SGSM1: variants seen among roughly 807,000 people sequenced by gnomAD.
SGSM1 encodes the protein small G protein signaling modulator 1, also known as RUN and TBC1 domain containing 2.
A neutral mutation model predicts 133.8 loss-of-function variants in SGSM1; 73 were observed. That is an observed-to-expected ratio of 0.55 (90% CI 0.45 to 0.66). The LOEUF (loss-of-function observed/expected upper bound fraction) is 0.66. Among genes scored for constraint, SGSM1 ranks in the 30% least tolerant of loss-of-function variants. The pLI is 0.00. For missense variants in SGSM1, 1,213 were observed against 1,448.1 expected (o/e 0.84, Z 2.64); for synonymous variants, 563 against 573.0 (o/e 0.98, Z 0.25).
chr22:24,853,094 A>G (rs1930576798), intron 5 of SGSM1, among the ~76,000 whole-genome samples: 2 of 152,194 alleles, frequency 1.3e-5, no homozygotes, highest in African/African-American at 4.8e-5. Context: ...TTTGAGTTCT[A>G]TACTTCCTCC....
Position 24,905,070 on chromosome 22 carries a change from C to T in SGSM1, c.2736-35C>T, listed in dbSNP as rs201304840. 7.4e-5 allele frequency: 118 copies of T among 1,590,020 alleles called. No homozygotes were observed. In the Middle Eastern group the frequency reaches 2.2e-3, roughly 29 times the overall value. ...TGGAGTGGGTTGGAGAGGCAGGCCA[C>T]GGCTGCCATCATTGGCCCCTTGTGT... On this transcript the variant is annotated intron_variant, in intron 20 of 24. Coordinates refer to ENST00000400358, the MANE Select transcript of SGSM1 (RefSeq NM_001098497.3).
intron 12 of SGSM1, among the ~76,000 whole-genome samples, chr22:24,873,383 G>A (rs1931861895): frequency 6.6e-6 from 1 of 152,006 alleles, no homozygotes; most frequent in African/African-American, 2.4e-5. Context: ...CTACGATGTT[G>A]AGCAGCATCC....
At chr22:24,892,739 AAAAG>A (rs1032908760) in intron 16 of SGSM1, among the ~76,000 whole-genome samples, 2 of 152,052 alleles carry the variant, frequency 1.3e-5, no homozygotes, top group African/African-American at 2.4e-5. Flanking sequence ...AAGGTAGTAA[AAAAG>A]AAAGAAACAG....
chr22:24,844,874 C>G (rs370209156), intron 2 of SGSM1, 23 bp from the exon 3 acceptor site: 1 of 1,612,722 alleles, frequency 6.2e-7, no homozygotes, highest in Non-Finnish European at 8.5e-7. Context: ...ACCTCTTCCC[C>G]TCCGGTCACC....
At position 24,884,038 on chromosome 22, in the gene SGSM1, T is replaced by C; in HGVS notation, c.1496-15T>C. The stretch of plus-strand genomic sequence containing the variant: ...AGGTGGTGGATGATGACACTTTCCC[T>C]CCCTCCCTCAACAGGGCTGGCCTAC... On this transcript the variant is annotated splice_polypyrimidine_tract_variant and intron_variant, in intron 14 of 24. Transcript: ENST00000400358. 6.3e-7 allele frequency: 1 copy of C among 1,591,460 alleles called. No homozygotes were observed. The highest frequency in any genetic ancestry group is 8.6e-7 in the Non-Finnish European group (1 of 1,164,882).
chr22:24,845,165 G>T (rs1930027169), intron 3 of SGSM1, among the ~76,000 whole-genome samples, 193 bp downstream of exon 3: 1 of 152,178 alleles, frequency 6.6e-6, no homozygotes, highest in Non-Finnish European at 1.5e-5. Context: ...CCCATGAAGA[G>T]GTCAGTGTGG....
At chr22:24,890,030 C>T (rs1432834734) in intron 16 of SGSM1, among the ~76,000 whole-genome samples, 2 of 149,698 alleles carry the variant, frequency 1.3e-5, no homozygotes, top group Non-Finnish European at 3.0e-5. Flanking sequence ...GATCTCGGCT[C>T]ACTGCAAGCT....
chr22:24,880,955 C>A (rs1357749957), intron 14 of SGSM1, among the ~76,000 whole-genome samples: 2 of 152,090 alleles, frequency 1.3e-5, no homozygotes, highest in Admixed American at 1.3e-4. Flanking sequence ...CTTTGGGAGG[C>A]CAAGGTGGGT....
chr22:24,831,268 A>G (rs1222128089), intron 2 of SGSM1, among the ~76,000 whole-genome samples: 1 of 151,786 alleles, frequency 6.6e-6, no homozygotes, highest in African/African-American at 2.4e-5. Flanking sequence ...CAGAGGGAGA[A>G]GTCGGGCCAT....
rs1351647241 is a variant in SGSM1, at chr22:24,807,859, C to T, written c.63+1375C>T. ...AGGCTTGGACCTGTTGCTGCTCCTC[C>T]GTCCTCCGGGAGCATGAGTATGTGC... On this transcript the variant is annotated intron_variant, in intron 2 of 24. Transcript: ENST00000400358. Among the ~76,000 whole-genome samples the T allele has an allele frequency of 4.8e-5, 7 of 146,494 alleles. No individual in the cohort carries two copies. The East Asian group carries it at 1.0e-3, about 22-fold the overall frequency.
At chr22:24,860,897 T>TAA (rs554853690) in intron 9 of SGSM1, among the ~76,000 whole-genome samples, 25 of 43,878 alleles carry the variant, frequency 5.7e-4, no homozygotes, top group East Asian at 1.4e-3. Context: ...GAGACTGTCT[T>TAA]AAAAAAAAAA....
chr22:24,844,277 T>A (rs1475318382), intron 2 of SGSM1: 1 of 152,310 alleles, frequency 6.6e-6, no homozygotes, highest in Admixed American at 6.5e-5. Flanking sequence ...GGCTCACGCA[T>A]GTAATCCAAG....
chr22:24,873,844 C>A (rs1043502095), intron 12 of SGSM1, among the ~76,000 whole-genome samples: 1 of 151,988 alleles, frequency 6.6e-6, no homozygotes, highest in Non-Finnish European at 1.5e-5. Flanking sequence ...CAAAACAAGA[C>A]CCTGCCTCAG....
rs981239751 is a variant in SGSM1 at position 24,861,822 on chromosome 22, A to AT, written c.926+1991dup. Among the ~76,000 whole-genome samples, 21 of 147,274 alleles carry AT rather than the reference A, an allele frequency of 1.4e-4. 1 individual carries two copies. The highest frequency in any genetic ancestry group is 2.5e-4 in the Non-Finnish European group (17 of 66,768). On this transcript the variant is annotated intron_variant, in intron 9 of 24. Transcript: ENST00000400358. The stretch of plus-strand genomic sequence containing the variant: ...TCGGCCGCCTCTCAAGGTTATTTTT[A>AT]TTTTTTTTTAATTTCTATTTTATTT...
chr22:24,838,731 GT>G (rs369202471), intron 2 of SGSM1, among the ~76,000 whole-genome samples: 3 of 150,176 alleles, frequency 2.0e-5, no homozygotes, highest in South Asian at 2.1e-4. Context: ...CTAAATGTGT[GT>G]TTTTTTTTAA....
chr22:24,883,106 G>A (rs1005999120), intron 14 of SGSM1, among the ~76,000 whole-genome samples: 20 of 150,796 alleles, frequency 1.3e-4, no homozygotes, highest in African/African-American at 4.4e-4. Flanking sequence ...GGGTCTCACC[G>A]TGTTAGTCAG....
At chr22:24,846,005 CTTT>C (rs1930123243) in intron 3 of SGSM1, among the ~76,000 whole-genome samples, 1 of 122,626 alleles carries the variant, frequency 8.2e-6, no homozygotes, top group Admixed American at 8.6e-5. Context: ...TTCTTTCTTT[CTTT>C]CTTCATTTCT....
chr22:24,883,373 A>G (rs1300734475), intron 14 of SGSM1, among the ~76,000 whole-genome samples: 2 of 152,292 alleles, frequency 1.3e-5, no homozygotes, highest in Middle Eastern at 3.4e-3. Flanking sequence ...CACGTTTCAC[A>G]TTCTCTTTCT....
intron 3 of SGSM1, among the ~76,000 whole-genome samples, chr22:24,845,941 T>TTTTC (rs200470528): frequency 0.087 from 10,067 of 115,220 alleles, 779 homozygotes; most frequent in Non-Finnish European, 0.1. Flanking sequence ...TTTTCTTTTC[T>TTTTC]TTTCTTTCTT....
Sources: allele counts gnomAD v4.1 joint callset (sites outside exome capture counted in the v4.1 genomes callset), GRCh38; gene constraint gnomAD v4.1.1; transcripts MANE v1.5; gene names NCBI Gene and HGNC (gene_info 2026-07-23, HGNC 2026-07-21).